Variants in RPA3 observed in about 807,000 individuals in gnomAD.
RPA3 encodes replication protein A 14 kDa subunit.
In RPA3, 24 loss-of-function variants were observed where a neutral mutation model predicts 13.7. The ratio of observed to expected loss-of-function variants is 1.75; its 90% confidence interval spans 1.27 to 2.46. The LOEUF (loss-of-function observed/expected upper bound fraction) is 2.46. Among genes scored for constraint, RPA3 ranks in the 30% most tolerant of loss-of-function variants. The probability of loss-of-function intolerance (pLI) is 0.00; values close to 1 mark genes in which losing one functional copy is unlikely to be tolerated. For missense variants in RPA3, 183 were observed against 151.0 expected, an observed-to-expected ratio of 1.21 and a Z score of -1.11; for synonymous variants, 59 against 51.2, an observed-to-expected ratio of 1.15 and a Z score of -0.65.
At chr7:7,703,756 G>T (rs1397258667) in intron 2 of RPA3, among the ~76,000 whole-genome samples, 1 of 152,092 alleles carries the variant, frequency 6.6e-6, no homozygotes, top group Non-Finnish European at 1.5e-5. Context: ...CCTGGGCAAC[G>T]TGGCGAAACC....
At chr7:7,685,150 T>A (rs539978528) in intron 4 of RPA3, among the ~76,000 whole-genome samples, 1 of 152,252 alleles carries the variant, frequency 6.6e-6, no homozygotes, top group East Asian at 1.9e-4. Context: ...TATGAGTAAT[T>A]CATATAGGGT....
At chr7:7,642,935 AAC>A (rs1268694532) in intron 4 of RPA3, among the ~76,000 whole-genome samples, 1 of 152,186 alleles carries the variant, frequency 6.6e-6, no homozygotes, top group Non-Finnish European at 1.5e-5. Context: ...CCTTTATATA[AAC>A]AGAAACGTAT....
At chr7:7,718,290 A>G (rs887344324) in intron 1 of RPA3, among the ~76,000 whole-genome samples, 3 of 152,188 alleles carry the variant, frequency 2.0e-5, no homozygotes, top group African/African-American at 7.2e-5. Context: ...TAACCATAAA[A>G]CTATTTTGAT....
intron 4 of RPA3, among the ~76,000 whole-genome samples, chr7:7,685,021 C>A (rs1780008407): frequency 6.6e-6 from 1 of 152,048 alleles, no homozygotes; most frequent in African/African-American, 2.4e-5. Context: ...AGATTTAACT[C>A]AAAAATTATG....
At chr7:7,709,795 A>T (rs75910950) in intron 2 of RPA3, among the ~76,000 whole-genome samples, 1 of 152,056 alleles carries the variant, frequency 6.6e-6, no homozygotes, top group African/African-American at 2.4e-5. Context: ...TTTTTTTTAA[A>T]TAATGAGAAC....
At chr7:7,638,178 C>T (rs6463710) in intron 6 of RPA3, 386,895 of 441,162 alleles carry the variant, frequency 0.88, 170,922 homozygotes, top group East Asian at 0.94. Flanking sequence ...CTACCTTTAG[C>T]AGTAGCTTCA....
intron 2 of RPA3, among the ~76,000 whole-genome samples, chr7:7,693,300 T>TATCTATCC (rs1473806672): frequency 6.9e-6 from 1 of 144,372 alleles, no homozygotes; most frequent in African/African-American, 2.9e-5. Flanking sequence ...TATCTTTATC[T>TATCTATCC]ATCTATCTAT....
intron 4 of RPA3, among the ~76,000 whole-genome samples, chr7:7,681,161 T>G (rs1490649627): frequency 6.6e-6 from 1 of 152,192 alleles, no homozygotes; most frequent in African/African-American, 2.4e-5. Flanking sequence ...GATTATCTCC[T>G]TATGTGGCCT....
At chr7:7,653,280 T>C (rs1785268804) in intron 4 of RPA3, among the ~76,000 whole-genome samples, 1 of 152,220 alleles carries the variant, frequency 6.6e-6, no homozygotes, top group Admixed American at 6.5e-5. Flanking sequence ...CTAAAACATA[T>C]AAATGTGTCA....
intron 5 of RPA3, among the ~76,000 whole-genome samples, chr7:7,639,404 A>G (rs1039824219): frequency 2.6e-5 from 4 of 152,220 alleles, no homozygotes; most frequent in Non-Finnish European, 5.9e-5. Context: ...TAAATATGGC[A>G]ACCCTATTCT....
At chr7:7,653,801 C>T (rs956834335) in intron 4 of RPA3, among the ~76,000 whole-genome samples, 5 of 152,180 alleles carry the variant, frequency 3.3e-5, no homozygotes, top group African/African-American at 1.2e-4. Flanking sequence ...AGACATTTTG[C>T]AATGTCTGCA....
chr7:7,637,703 A>T (rs966220873), intron 7 of RPA3, among the ~76,000 whole-genome samples, 161 bp downstream of exon 7: 5 of 142,936 alleles, frequency 3.5e-5, no homozygotes, highest in Admixed American at 1.4e-4. Context: ...CAGTTATATA[A>T]AACTGTATGT....
At chr7:7,703,148 A>T (rs1309450081) in intron 2 of RPA3, among the ~76,000 whole-genome samples, 5 of 152,102 alleles carry the variant, frequency 3.3e-5, no homozygotes, top group Non-Finnish European at 1.5e-5. Flanking sequence ...AGTTTATTTT[A>T]TTTGCCGAAA....
At chr7:7,709,558 G>A (rs1780696358) in intron 2 of RPA3, among the ~76,000 whole-genome samples, 1 of 152,216 alleles carries the variant, frequency 6.6e-6, no homozygotes, top group African/African-American at 2.4e-5. Context: ...AGCCTGCAAG[G>A]GCAAAATGAG....
intron 4 of RPA3, among the ~76,000 whole-genome samples, chr7:7,652,006 G>A (rs570402068): frequency 6.6e-6 from 1 of 152,312 alleles, no homozygotes; most frequent in East Asian, 1.9e-4. Context: ...GGAAGTGGGA[G>A]AAGATCTTGT....
intron 2 of RPA3, among the ~76,000 whole-genome samples, chr7:7,690,530 G>T (rs1414249839): frequency 1.3e-5 from 2 of 152,032 alleles, no homozygotes; most frequent in African/African-American, 2.4e-5. Context: ...TTGAGCTGCA[G>T]TTTTTTAATA....
At chr7:7,637,478 T>C (rs1374939296) in intron 7 of RPA3, among the ~76,000 whole-genome samples, 1 of 152,152 alleles carries the variant, frequency 6.6e-6, no homozygotes, top group East Asian at 1.9e-4. Flanking sequence ...CAAAACAAAA[T>C]GTACCCCCAT....
At position 7,695,980 on chromosome 7, in the gene RPA3, C is replaced by CA. The variant is rs1780305197; in HGVS notation, c.-1027-8653_-1027-8652insT. On this transcript the variant is annotated intron_variant, in intron 2 of 7. Coordinates refer to ENST00000223129, the MANE Select transcript of RPA3 (RefSeq NM_002947.5). ...TTTTAAACCCTACTGTGTATATCTC[C>CA]GTTTTTTTTTTTTTTTTCTGATAAA... Among the ~76,000 whole-genome samples, 3 of 122,370 alleles carry CA rather than the reference C, an allele frequency of 2.5e-5. 1 individual carries two copies. The highest frequency in any genetic ancestry group is 5.1e-4 in the South Asian group (2 of 3,926). The allele number at this position is 122,370 out of a possible 152,430, so 80.3% of individuals were successfully genotyped here. A position where few individuals can be genotyped will look rare whatever the true frequency, so the allele number is the denominator to read the frequency against.
chr7:7,707,609 CAA>C (rs1273779829), intron 2 of RPA3, among the ~76,000 whole-genome samples: 3 of 152,088 alleles, frequency 2.0e-5, no homozygotes, highest in African/African-American at 7.2e-5. Flanking sequence ...ATAAAGCTAA[CAA>C]ATAATAAAAG....
Sources: gnomAD v4.1 joint callset for allele counts (sites outside exome capture counted in the v4.1 genomes callset) on GRCh38, gnomAD v4.1.1 for gene constraint, MANE v1.5 for transcripts, NCBI Gene and HGNC (gene_info 2026-07-23, HGNC 2026-07-21) for gene names.